Variants in TMPRSS5 observed in about 807,000 individuals in gnomAD.
TMPRSS5 encodes transmembrane protease serine 5.
Under a neutral mutation model 59.7 loss-of-function variants are expected in TMPRSS5, and 45 were observed. That is an observed-to-expected ratio of 0.75 (90% CI 0.59 to 0.97). The LOEUF (loss-of-function observed/expected upper bound fraction) is 0.97. TMPRSS5 is among the 50% of genes least tolerant of loss of function. TMPRSS5 has a pLI of 0.00. For missense variants in TMPRSS5, 585 were observed against 596.7 expected (o/e 0.98, Z 0.20); for synonymous variants, 225 against 232.0 (o/e 0.97, Z 0.27).
intron 4 of TMPRSS5, 69 bp from the exon 5 acceptor site, chr11:113,697,487 C>G: frequency 1.3e-6 from 2 of 1,561,336 alleles, no homozygotes; most frequent in Non-Finnish European, 1.7e-6. Context: ...AAGAGCTGGA[C>G]CCAGGATTCT....
chr11:113,699,013 GAC>G lies in TMPRSS5; in HGVS notation c.218_219del (p.Cys73SerfsTer14), dbSNP rs1953012695. ...CCGGAAATGGGCTGAGAGGCAGCAG[GAC>G]ACAGATACAGCACTTTAGAGAAGAA... Reference protein sequence around the residue: ...VGSWLLVLYLCPAASQPISGT... With the variant: ...VGSWLLVLYLXPAASQPISGT... On this transcript the variant is annotated frameshift_variant, in exon 4 of 13. Transcript: ENST00000299882. LOFTEE classifies it high-confidence loss of function. 6.2e-7 allele frequency: 1 copy of G among 1,611,760 alleles called. No individual in the cohort carries two copies. Among genetic ancestry groups the G allele is most frequent in the East Asian group, 2.2e-5 (1 of 44,846 alleles).
intron 11 of TMPRSS5, 123 bp downstream of exon 11, chr11:113,690,108 A>C: frequency 2.2e-6 from 3 of 1,370,658 alleles, no homozygotes; most frequent in Non-Finnish European, 3.0e-6. Context: ...CCCTCCTTCT[A>C]GAGAGGCTGT....
chr11:113,705,969 A>G (rs1343756392), intron 1 of TMPRSS5, among the ~76,000 whole-genome samples: 2 of 152,236 alleles, frequency 1.3e-5, no homozygotes, highest in Non-Finnish European at 2.9e-5. Context: ...TCAACGTAAT[A>G]ACGATTTGTT....
intron 1 of TMPRSS5, 119 bp downstream of exon 1, chr11:113,706,103 T>C: frequency 1.6e-6 from 2 of 1,243,626 alleles, no homozygotes; most frequent in Non-Finnish European, 2.3e-6. Context: ...ATCCAGCCCC[T>C]GTACCAGAGC....
In TMPRSS5 at chr11:113,693,110, C is replaced by G. The variant is rs201901513; in HGVS notation, c.925G>C (p.Val309Leu). Residue 309 changes from valine to leucine, a missense_variant, in exon 9 of 13, where the codon GTC becomes CTC. Transcript: ENST00000299882. Reference protein sequence around the residue: ...LYSAQNHDYDVALLRLQTALN... With the variant: ...LYSAQNHDYDLALLRLQTALN... The stretch of plus-strand genomic sequence containing the variant: ...GCGGTCTGGAGCCTCAGGAGGGCGA[C>G]GTCGTAGTCATGATTCTGGGCACTG... 1 of 1,587,768 alleles carries G rather than the reference C, an allele frequency of 6.3e-7. No homozygotes were observed. The highest frequency in any genetic ancestry group is 8.6e-7 in the Non-Finnish European group (1 of 1,166,748).
Position 113,690,298 on chromosome 11 carries a change from T to C in TMPRSS5, c.1139A>G (p.Tyr380Cys), listed in dbSNP as rs1312881160. 10 of 1,590,656 alleles carry C rather than the reference T, an allele frequency of 6.3e-6. No homozygotes were observed. In the Middle Eastern group the frequency reaches 1.2e-3, roughly 185 times the overall value. ...STQLCNSSCV[Y>C]SGALTPRMLC... ...CATGCGGGGGGTGAGGGCTCCGCTG[T>C]ACACGCAAGAGCTGTTGCAGAGCTG... Residue 380 changes from tyrosine to cysteine, a missense_variant, in exon 11 of 13, where the codon TAC (tyrosine) becomes TGC (cysteine). Physicochemically the swap from Tyr to Cys is radical, Grantham distance 194. Coordinates refer to ENST00000299882, the MANE Select transcript of TMPRSS5 (RefSeq NM_030770.4).
chr11:113,700,113 G>A lies in TMPRSS5; in HGVS notation c.59C>T (p.Pro20Leu). 1 of 1,584,436 alleles carries A rather than the reference G, an allele frequency of 6.3e-7. No individual in the cohort carries two copies. Residue 20 changes from proline (P) to leucine (L), a missense_variant, in exon 2 of 13, where the codon CCA (proline) becomes CTA (leucine). Coordinates refer to ENST00000299882, the MANE Select transcript of TMPRSS5 (RefSeq NM_030770.4). ...CTCTGCTCTGAAGATCCCAGGTCCT[G>A]GGCCCTCCTCTGCATACTGGGCCTC... ...PMEAQYAEEG[P>L]GPGIFRAEPG...
At chr11:113,698,789 G>C in intron 4 of TMPRSS5, 116 bp downstream of exon 4, 12 of 1,250,240 alleles carry the variant, frequency 9.6e-6, no homozygotes, top group Non-Finnish European at 1.4e-5. Flanking sequence ...ACTAGAGGAG[G>C]GAAACACATA....
At chr11:113,696,643 T>C (rs1392501775) in intron 6 of TMPRSS5, among the ~76,000 whole-genome samples, 9 of 152,192 alleles carry the variant, frequency 5.9e-5, no homozygotes, top group Non-Finnish European at 1.0e-4. Flanking sequence ...CAACCCTACA[T>C]TTCTTGTGAA....
Position 113,699,258 on chromosome 11 carries a change from T to TCC in TMPRSS5, c.206-232_206-231insGG, listed in dbSNP as rs1953037883. On this transcript the variant is annotated intron_variant, in intron 3 of 12. Transcript: ENST00000299882. ...CTCTCTCTCTCTCTCTCTCTCTCTC[T>TCC]CTCTCTCTCTCTCCCTCTCTCTCTC... Among the ~76,000 whole-genome samples the TCC allele has an allele frequency of 1.7e-4, 9 of 51,824 alleles. 1 individual carries two copies. The highest frequency in any genetic ancestry group is 7.6e-4 in the African/African-American group (6 of 7,918). The allele number at this position is 51,824 out of a possible 152,430, so 34.0% of individuals were successfully genotyped here. A position where few individuals can be genotyped will look rare whatever the true frequency, so the allele number is the denominator to read the frequency against.
chr11:113,700,868 C>T (rs572545034), intron 1 of TMPRSS5, among the ~76,000 whole-genome samples: 3 of 152,222 alleles, frequency 2.0e-5, no homozygotes, highest in East Asian at 3.9e-4. Context: ...GGGTAGGGAC[C>T]TTGTGGGAGG....
intron 4 of TMPRSS5, 35 bp from the exon 5 acceptor site, chr11:113,697,453 ATGGTGGTGG>A (rs1952962501): frequency 3.1e-6 from 5 of 1,608,270 alleles, no homozygotes; most frequent in Non-Finnish European, 3.4e-6. Context: ...ATGGGAGAGG[ATGGTGGTGG>A]TAGGGTGGGA....
chr11:113,700,580 A>G (rs1953104635), intron 1 of TMPRSS5, among the ~76,000 whole-genome samples: 1 of 151,946 alleles, frequency 6.6e-6, no homozygotes, highest in Non-Finnish European at 1.5e-5. Flanking sequence ...CCATGCACCC[A>G]CCCATCCACC....
chr11:113,688,386 A>G, intron 12 of TMPRSS5, 112 bp from the exon 13 acceptor site: 1 of 730,376 alleles, frequency 1.4e-6, no homozygotes, highest in Non-Finnish European at 2.4e-6. Context: ...ACTTCTATCA[A>G]ATGAGGCTAA....
rs1952828966 is a variant in TMPRSS5, at chr11:113,693,104, G to C, written c.931C>G (p.Leu311Val). The C allele has an allele frequency of 2.5e-6, 4 of 1,584,230 alleles. No individual in the cohort carries two copies. Among genetic ancestry groups the C allele is most frequent in the Non-Finnish European group, 3.4e-6 (4 of 1,164,822 alleles). The change falls in exon 9 of 13, where the codon CTC (leucine) becomes GTC (valine). Residue 311 changes from leucine (L) to valine (V), a missense_variant. Physicochemically the swap from Leu to Val is conservative, Grantham distance 32 (BLOSUM62 1). Coordinates refer to ENST00000299882, the MANE Select transcript of TMPRSS5 (RefSeq NM_030770.4). Reference protein sequence around the residue: ...SAQNHDYDVALLRLQTALNFS... With the variant: ...SAQNHDYDVAVLRLQTALNFS... ...TTGAGAGCGGTCTGGAGCCTCAGGA[G>C]GGCGACGTCGTAGTCATGATTCTGG...
Position 113,694,504 on chromosome 11 carries a change from C to A in TMPRSS5, c.759G>T (p.Val253=). The stretch of plus-strand genomic sequence containing the variant: ...TGTGCATACAATGTGCAGCAGTCAC[C>A]ACCCAGCGTGGCGCTAGCACAGAGC... The part of the protein sequence containing the change: ...CGGSVLAPRW[V]VTAAHCMHSF... Residue 253 remains valine, a synonymous_variant, in exon 8 of 13, where the codon GTG becomes GTT. Coordinates refer to ENST00000299882, the MANE Select transcript of TMPRSS5 (RefSeq NM_030770.4). 1 of 1,567,746 alleles carries A rather than the reference C, an allele frequency of 6.4e-7. No individual in the cohort carries two copies. The highest frequency in any genetic ancestry group is 2.4e-5 in the East Asian group (1 of 42,006).
At chr11:113,692,391 T>C (rs932431984) in intron 9 of TMPRSS5, among the ~76,000 whole-genome samples, 1 of 152,208 alleles carries the variant, frequency 6.6e-6, no homozygotes, top group African/African-American at 2.4e-5. Flanking sequence ...TGTGAGCACG[T>C]ACATGTGAGC....
At chr11:113,689,290 A>T (rs1281330192) in intron 12 of TMPRSS5, among the ~76,000 whole-genome samples, 1 of 152,080 alleles carries the variant, frequency 6.6e-6, no homozygotes, top group African/African-American at 2.4e-5. Context: ...CGGGAGATAG[A>T]GGTTGCAGTG....
chr11:113,696,857 C>T lies in TMPRSS5; in HGVS notation c.578+1G>A. ...TCACCTAACAGCCTCAGTAGTCCTA[C>T]CTGGGCTGCCACGCCTCCTCCAGGA... is the stretch of plus-strand genomic sequence containing the variant. On this transcript the variant is annotated splice_donor_variant, in intron 6 of 12. Transcript: ENST00000299882. LOFTEE classifies it high-confidence loss of function. 2 of 1,557,178 alleles carry T rather than the reference C, an allele frequency of 1.3e-6. No individual in the cohort carries two copies.
Sources: gnomAD v4.1 joint callset for allele counts (sites outside exome capture counted in the v4.1 genomes callset) on GRCh38, gnomAD v4.1.1 for gene constraint, MANE v1.5 for transcripts, NCBI Gene and HGNC (gene_info 2026-07-23, HGNC 2026-07-21) for gene names.